The following SORCS1 variants were observed in gnomAD, a reference collection of about 807,000 sequenced individuals.
SORCS1 encodes sortilin related VPS10 domain containing receptor 1.
SORCS1 carries 60 observed loss-of-function variants against 146.1 expected under a neutral mutation model. The ratio of observed to expected loss-of-function variants is 0.41; its 90% CI spans 0.33 to 0.51. The LOEUF (loss-of-function observed/expected upper bound fraction) is 0.51. SORCS1 is among the 20% of genes least tolerant of loss of function. SORCS1 has a pLI of 0.21. For missense variants in SORCS1, 1,352 were observed against 1,487.6 expected, an observed-to-expected ratio of 0.91 and a Z score of 1.50; for synonymous variants, 637 against 584.0, an observed-to-expected ratio of 1.09 and a Z score of -1.31.
At chr10:106,945,139 C>T (rs1303406548) in intron 2 of SORCS1, among the ~76,000 whole-genome samples, 4 of 151,810 alleles carry the variant, frequency 2.6e-5, no homozygotes, top group South Asian at 2.1e-4. Flanking sequence ...CTACCTGCCT[C>T]GGCCTCCCAA....
At chr10:107,047,027 TGTCCATGCCAGA>T (rs1959543946) in intron 1 of SORCS1, among the ~76,000 whole-genome samples, 1 of 152,202 alleles carries the variant, frequency 6.6e-6, no homozygotes, top group Admixed American at 6.5e-5. Context: ...CTCGCTCTAT[TGTCCATGCCAGA>T]GTGCAGTGGC....
At chr10:106,605,097 C>T (rs1365734234) in intron 23 of SORCS1, among the ~76,000 whole-genome samples, 1 of 152,236 alleles carries the variant, frequency 6.6e-6, no homozygotes. Flanking sequence ...CTAAGTCACA[C>T]AGCCTTCAAG....
chr10:106,928,683 T>TGTG, intron 2 of SORCS1, among the ~76,000 whole-genome samples: 1 of 152,126 alleles, frequency 6.6e-6, no homozygotes, highest in Non-Finnish European at 1.5e-5. Context: ...CAAAGCCACA[T>TGTG]GTGAGCATGC....
intron 5 of SORCS1, among the ~76,000 whole-genome samples, chr10:106,744,603 C>T (rs917211754): frequency 2.6e-5 from 4 of 152,128 alleles, no homozygotes; most frequent in African/African-American, 4.8e-5. Flanking sequence ...TATGACTATA[C>T]CATATTTTTC....
At chr10:106,802,899 G>T (rs1946980082) in intron 3 of SORCS1, among the ~76,000 whole-genome samples, 1 of 152,184 alleles carries the variant, frequency 6.6e-6, no homozygotes, top group African/African-American at 2.4e-5. Flanking sequence ...CCTCCCAAAA[G>T]GGATTACAGG....
At chr10:106,869,010 CT>C (rs1023637118) in intron 2 of SORCS1, among the ~76,000 whole-genome samples, 17 of 151,908 alleles carry the variant, frequency 1.1e-4, no homozygotes, top group African/African-American at 3.9e-4. Context: ...GAGGGAGGTG[CT>C]ACCACCGACC....
intron 1 of SORCS1, among the ~76,000 whole-genome samples, chr10:107,117,998 C>T (rs1017008188): frequency 2.2e-4 from 34 of 152,024 alleles, no homozygotes; most frequent in African/African-American, 8.0e-4. Context: ...ACATGAATTT[C>T]GAGGGGCTAT....
intron 2 of SORCS1, among the ~76,000 whole-genome samples, chr10:106,839,893 A>G (rs1948948943): frequency 6.6e-6 from 1 of 152,200 alleles, no homozygotes; most frequent in Non-Finnish European, 1.5e-5. Context: ...ACATCTGTTT[A>G]CAGCATGGCT....
At chr10:106,773,990 C>T (rs1334196495) in intron 4 of SORCS1, among the ~76,000 whole-genome samples, 4 of 152,198 alleles carry the variant, frequency 2.6e-5, no homozygotes, top group Middle Eastern at 6.8e-3. Context: ...GTCAGGTAGC[C>T]CCTTACCCCA....
intron 3 of SORCS1, among the ~76,000 whole-genome samples, chr10:106,826,791 A>G (rs959180050): frequency 1.3e-5 from 2 of 152,226 alleles, no homozygotes; most frequent in African/African-American, 2.4e-5. Context: ...AGGTTCACTC[A>G]TAACATTGTG....
intron 1 of SORCS1, among the ~76,000 whole-genome samples, chr10:107,039,827 G>C (rs1349470819): frequency 6.6e-6 from 1 of 152,146 alleles, no homozygotes; most frequent in Non-Finnish European, 1.5e-5. Flanking sequence ...TAACAACTAA[G>C]GCCCCGGAAC....
intron 19 of SORCS1, among the ~76,000 whole-genome samples, chr10:106,628,648 T>A (rs1488785093): frequency 6.6e-6 from 1 of 152,214 alleles, no homozygotes; most frequent in Non-Finnish European, 1.5e-5. Flanking sequence ...TAACACTGTT[T>A]TTATACTCTT....
chr10:106,629,260 G>A lies in SORCS1; in HGVS notation c.2604C>T (p.Thr868=), dbSNP rs762280156. ...VYQNVGIFRV[T]VQVDNSLGSD... ...AACCCAGACTGTTGTCCACCTGCACGGTCACACGGAAAATGCCCACGTTCT... is the reference window on the plus strand; with the variant it reads ...AACCCAGACTGTTGTCCACCTGCACAGTCACACGGAAAATGCCCACGTTCT... The change falls in exon 19 of 26, where the codon ACC becomes ACT. Residue 868 remains threonine (T), a synonymous_variant. Coordinates refer to ENST00000263054, the MANE Select transcript of SORCS1 (RefSeq NM_052918.5). 2.2e-5 allele frequency: 35 copies of A among 1,613,888 alleles called. No individual in the cohort carries two copies. Among genetic ancestry groups the A allele is most frequent in the East Asian group, 6.7e-5 (3 of 44,858 alleles).
chr10:106,705,443 T>C (rs1192919254), intron 8 of SORCS1, among the ~76,000 whole-genome samples: 2 of 152,136 alleles, frequency 1.3e-5, no homozygotes, highest in African/African-American at 4.8e-5. Flanking sequence ...TTATGTCTAT[T>C]ATATGACTTC....
chr10:107,156,607 GA>G (rs2134879716), intron 1 of SORCS1, among the ~76,000 whole-genome samples: 1 of 152,276 alleles, frequency 6.6e-6, no homozygotes, highest in East Asian at 1.9e-4. Context: ...GTTAGAAGTA[GA>G]AAAAGCTACA....
intron 2 of SORCS1, among the ~76,000 whole-genome samples, chr10:106,934,247 T>C (rs1169406128): frequency 6.6e-6 from 1 of 151,976 alleles, no homozygotes; most frequent in Non-Finnish European, 1.5e-5. Context: ...GGAGATTTTT[T>C]ATTTTTTATT....
chr10:106,701,794 A>G (rs980223416), intron 8 of SORCS1, among the ~76,000 whole-genome samples: 1 of 152,248 alleles, frequency 6.6e-6, no homozygotes, highest in Non-Finnish European at 1.5e-5. Context: ...TCTGTGTCTC[A>G]TAATTTCAAT....
chr10:106,796,896 T>C (rs1276824517), intron 3 of SORCS1, among the ~76,000 whole-genome samples: 2 of 152,132 alleles, frequency 1.3e-5, no homozygotes, highest in Non-Finnish European at 2.9e-5. Flanking sequence ...GATTACGAAG[T>C]CAGAAGATTG....
intron 2 of SORCS1, among the ~76,000 whole-genome samples, chr10:106,923,496 G>T (rs2138443162): frequency 6.6e-6 from 1 of 152,268 alleles, no homozygotes; most frequent in Middle Eastern, 3.4e-3. Flanking sequence ...TTGATTGTTG[G>T]ATCTTACAGT....
Sources: gnomAD v4.1 joint callset for allele counts (sites outside exome capture counted in the v4.1 genomes callset) on GRCh38, gnomAD v4.1.1 for gene constraint, MANE v1.5 for transcripts, NCBI Gene and HGNC (gene_info 2026-07-23, HGNC 2026-07-21) for gene names.